The following IMMP2L variants were observed in gnomAD, a reference collection of about 807,000 sequenced individuals.
The protein encoded by IMMP2L is mitochondrial inner membrane protease subunit 2.
Under a neutral mutation model 19.3 loss-of-function variants are expected in IMMP2L, and 18 were observed. The observed-to-expected ratio is 0.93, with a 90% confidence interval of 0.64 to 1.38. The LOEUF (loss-of-function observed/expected upper bound fraction) is 1.38. IMMP2L is among the 40% of genes most tolerant of loss of function. The pLI is 0.00. For synonymous variants in IMMP2L, 76 were observed against 73.0 expected (o/e 1.04, Z -0.21); for missense variants, 233 against 218.2 (o/e 1.07, Z -0.43).
At chr7:110,776,088 AAC>A (rs1283259067) in intron 5 of IMMP2L, among the ~76,000 whole-genome samples, 1 of 152,108 alleles carries the variant, frequency 6.6e-6, no homozygotes, top group African/African-American at 2.4e-5. Context: ...ATTCATAATA[AAC>A]AGTGACTGTG....
At chr7:111,427,806 A>T (rs1836233208) in intron 3 of IMMP2L, among the ~76,000 whole-genome samples, 2 of 151,882 alleles carry the variant, frequency 1.3e-5, no homozygotes, top group Non-Finnish European at 1.5e-5. Flanking sequence ...AAAAAATTTT[A>T]AAATAGTTAC....
chr7:111,494,390 A>T (rs951898626), intron 2 of IMMP2L, among the ~76,000 whole-genome samples: 1 of 152,172 alleles, frequency 6.6e-6, no homozygotes, highest in Admixed American at 6.5e-5. Context: ...GGCAGACACC[A>T]TACAATTAGT....
At chr7:111,373,952 T>C (rs1190643137) in intron 3 of IMMP2L, among the ~76,000 whole-genome samples, 2 of 152,036 alleles carry the variant, frequency 1.3e-5, no homozygotes, top group East Asian at 1.9e-4. Context: ...TGGGTTTTTT[T>C]CCCCTACTTT....
rs566890058 is a variant in IMMP2L at position 111,433,265 on chromosome 7, G to C, written c.239+53973C>G. Reference sequence around the variant, plus strand: ...GAACAGCATGGGGGAAACCACCCCAGTATTAGTCCGTTTTCACACTGCTGA... The same window carrying C: ...GAACAGCATGGGGGAAACCACCCCACTATTAGTCCGTTTTCACACTGCTGA... On this transcript the variant is annotated intron_variant, in intron 3 of 5. Coordinates refer to ENST00000405709, the MANE Select transcript of IMMP2L (RefSeq NM_032549.4). Among the ~76,000 whole-genome samples, 23 of 151,910 alleles carry C rather than the reference G, an allele frequency of 1.5e-4. 1 individual carries two copies. The highest frequency in any genetic ancestry group is 5.3e-4 in the African/African-American group (22 of 41,268).
chr7:110,907,060 G>T (rs1230226953), intron 4 of IMMP2L, among the ~76,000 whole-genome samples: 4 of 152,096 alleles, frequency 2.6e-5, no homozygotes, highest in Non-Finnish European at 4.4e-5. Context: ...GCAGTGGGGG[G>T]GATGGGGGTT....
chr7:110,890,976 T>A (rs776534539), intron 4 of IMMP2L, among the ~76,000 whole-genome samples: 23 of 151,926 alleles, frequency 1.5e-4, no homozygotes, highest in Non-Finnish European at 2.4e-4. Flanking sequence ...CAAATACATA[T>A]ACACACACAC....
intron 3 of IMMP2L, among the ~76,000 whole-genome samples, chr7:111,229,632 G>A (rs1173428218): frequency 6.6e-6 from 1 of 151,866 alleles, no homozygotes; most frequent in Admixed American, 6.6e-5. Flanking sequence ...ACCATTGGGA[G>A]AAACCTCAAC....
chr7:111,105,980 A>T (rs141460862), intron 3 of IMMP2L, among the ~76,000 whole-genome samples: 279 of 152,046 alleles, frequency 1.8e-3, no homozygotes, highest in African/African-American at 5.5e-3. Flanking sequence ...GGGCAAGCTT[A>T]TTTTTCTGAA....
At chr7:110,802,331 ATGTGTGTGTGTGTGTG>A (rs10545848) in intron 5 of IMMP2L, among the ~76,000 whole-genome samples, 38 of 147,076 alleles carry the variant, frequency 2.6e-4, no homozygotes, top group African/African-American at 8.0e-4. Context: ...GTATGTGTGT[ATGTGTGTGTGTGTGTG>A]TGTGTGTGTG....
At chr7:111,196,473 A>G (rs1648770292) in intron 3 of IMMP2L, among the ~76,000 whole-genome samples, 1 of 152,198 alleles carries the variant, frequency 6.6e-6, no homozygotes, top group African/African-American at 2.4e-5. Context: ...ATCATTGTAA[A>G]TTAGGAGATT....
At chr7:111,510,926 C>T (rs1845382310) in intron 2 of IMMP2L, among the ~76,000 whole-genome samples, 1 of 152,038 alleles carries the variant, frequency 6.6e-6, no homozygotes, top group Non-Finnish European at 1.5e-5. Flanking sequence ...GCTCTAGTGG[C>T]CATACCTAAC....
chr7:111,017,823 G>C (rs1457061082), intron 3 of IMMP2L, among the ~76,000 whole-genome samples: 1 of 152,136 alleles, frequency 6.6e-6, no homozygotes, highest in East Asian at 1.9e-4. Flanking sequence ...ATCAGAAGAA[G>C]AGAAACTACA....
intron 5 of IMMP2L, among the ~76,000 whole-genome samples, chr7:110,766,968 T>C (rs919067933): frequency 2.6e-5 from 4 of 152,110 alleles, no homozygotes; most frequent in African/African-American, 9.7e-5. Flanking sequence ...TTGGATCCTG[T>C]CTGCGTGAGG....
intron 5 of IMMP2L, among the ~76,000 whole-genome samples, chr7:110,880,731 C>G (rs1044165976): frequency 6.6e-6 from 1 of 151,968 alleles, no homozygotes; most frequent in Non-Finnish European, 1.5e-5. Flanking sequence ...AAATTAATAA[C>G]CCCTGCATAT....
At chr7:111,304,670 A>AT (rs1554439072) in intron 3 of IMMP2L, among the ~76,000 whole-genome samples, 2 of 126,010 alleles carry the variant, frequency 1.6e-5, no homozygotes, top group Admixed American at 1.7e-4. Context: ...CACATATATA[A>AT]TGTGTGTGTG....
intron 1 of IMMP2L, among the ~76,000 whole-genome samples, chr7:111,541,520 A>G (rs1456143931): frequency 1.3e-5 from 2 of 152,324 alleles, no homozygotes; most frequent in South Asian, 2.1e-4. Flanking sequence ...ACTGGTCACT[A>G]GGAAGGTTGT....
At chr7:111,412,096 T>C (rs1404840349) in intron 3 of IMMP2L, among the ~76,000 whole-genome samples, 4 of 151,584 alleles carry the variant, frequency 2.6e-5, no homozygotes, top group South Asian at 4.1e-4. Context: ...GAGTAAGCTA[T>C]AAAATGACAA....
chr7:111,458,804 T>C (rs925470739), intron 3 of IMMP2L, among the ~76,000 whole-genome samples: 1 of 152,198 alleles, frequency 6.6e-6, no homozygotes. Context: ...CCTTTATTTT[T>C]AACCAGTCTC....
intron 5 of IMMP2L, among the ~76,000 whole-genome samples, chr7:110,812,495 C>T (rs544652744): frequency 6.6e-6 from 1 of 152,120 alleles, no homozygotes; most frequent in African/African-American, 2.4e-5. Context: ...ACAGTGTAAT[C>T]TGAAACAAGT....
Sources: allele counts gnomAD v4.1 joint callset (sites outside exome capture counted in the v4.1 genomes callset), GRCh38; gene constraint gnomAD v4.1.1; transcripts MANE v1.5; gene names NCBI Gene and HGNC (gene_info 2026-07-23, HGNC 2026-07-21).